Variants in CAMTA1 observed in about 807,000 individuals in gnomAD.
CAMTA1 encodes the protein calmodulin binding transcription activator 1.
Under a neutral mutation model 170.9 loss-of-function variants are expected in CAMTA1, and 27 were observed. That is an observed-to-expected ratio of 0.16 (90% CI 0.12 to 0.22). CAMTA1 has a LOEUF of 0.22. CAMTA1 is among the 10% of genes least tolerant of loss of function. The pLI is 1.00. For missense variants in CAMTA1, 1,619 were observed against 2,217.2 expected (o/e 0.73, Z 5.42); for synonymous variants, 833 against 891.5 (o/e 0.93, Z 1.17).
chr1:7,249,237 G>C lies in CAMTA1; in HGVS notation c.303-254G>C, dbSNP rs545381607. ...CATCGTATATCCTGATTACTTTGTG[G>C]TTATTACTGAGGGGATGTTTTTTAA... is the stretch of plus-strand genomic sequence containing the variant. On this transcript the variant is annotated intron_variant, in intron 4 of 22. Transcript: ENST00000303635. This position sits in a 1 kb window ranked among gnomAD's most constrained non-coding sequence, Gnocchi z 4.4. Among the ~76,000 whole-genome samples, 3 of 152,218 alleles carry C rather than the reference G, an allele frequency of 2.0e-5. No individual in the cohort carries two copies. The East Asian group carries it at 5.8e-4, about 29-fold the overall frequency.
rs2095685591 is a variant in CAMTA1 at position 7,633,388 on chromosome 1, C to A, written c.511-7012C>A. ...TCAGAGAGGAAGAGCTGCAGAGGGGCAGAGAGCTCGTGGACCCCCCCAGAT... is the reference window on the plus strand; with the variant it reads ...TCAGAGAGGAAGAGCTGCAGAGGGGAAGAGAGCTCGTGGACCCCCCCAGAT... On this transcript the variant is annotated intron_variant, in intron 6 of 22. Coordinates refer to ENST00000303635, the MANE Select transcript of CAMTA1 (RefSeq NM_015215.4). This position sits in a 1 kb window ranked among gnomAD's most constrained non-coding sequence, Gnocchi z 4.1. Among the ~76,000 whole-genome samples the A allele has an allele frequency of 6.6e-6, 1 of 152,108 alleles. No individual in the cohort carries two copies. Among genetic ancestry groups the A allele is most frequent in the South Asian group, 2.1e-4 (1 of 4,830 alleles).
intron 4 of CAMTA1, among the ~76,000 whole-genome samples, chr1:7,181,441 G>C (rs563359577): frequency 1.3e-5 from 2 of 152,202 alleles, no homozygotes; most frequent in South Asian, 4.1e-4. Context: ...AGAAGAACCA[G>C]AACTATCTCA....
At chr1:7,544,181 C>T (rs975344574) in intron 6 of CAMTA1, among the ~76,000 whole-genome samples, 1 of 152,038 alleles carries the variant, frequency 6.6e-6, no homozygotes, top group Non-Finnish European at 1.5e-5. Context: ...TGGTGGGAAG[C>T]AAAAGGCACT....
chr1:7,675,155 A>G (rs1482812199), intron 10 of CAMTA1, among the ~76,000 whole-genome samples: 1 of 152,228 alleles, frequency 6.6e-6, no homozygotes, highest in Non-Finnish European at 1.5e-5. Context: ...AGAAGCATCC[A>G]GGCCAGGTAG....
chr1:7,091,399 A>C (rs1196381694), intron 4 of CAMTA1, 28 bp downstream of exon 4: 1 of 1,533,478 alleles, frequency 6.5e-7, no homozygotes, highest in Non-Finnish European at 9.0e-7. Context: ...GCAGTTTTTC[A>C]AATGTGTACC....
intron 3 of CAMTA1, among the ~76,000 whole-genome samples, chr1:7,048,099 G>A (rs1219347256): frequency 6.6e-6 from 1 of 152,158 alleles, no homozygotes; most frequent in Non-Finnish European, 1.5e-5. Context: ...GGCGAGGGGA[G>A]GGGGGTGGTC....
At chr1:7,742,165 A>C (rs1279724801) in intron 16 of CAMTA1, among the ~76,000 whole-genome samples, 1 of 151,928 alleles carries the variant, frequency 6.6e-6, no homozygotes, top group Non-Finnish European at 1.5e-5. Context: ...TCTAGAAGAT[A>C]TGACAGTTAT....
intron 21 of CAMTA1, among the ~76,000 whole-genome samples, chr1:7,753,558 T>C (rs1163795673): frequency 2.0e-5 from 3 of 152,258 alleles, no homozygotes; most frequent in Non-Finnish European, 4.4e-5. Flanking sequence ...CTTACTCCTA[T>C]ACCATATGAT....
intron 3 of CAMTA1, among the ~76,000 whole-genome samples, chr1:7,075,469 A>G (rs1032298221): frequency 6.6e-6 from 1 of 152,190 alleles, no homozygotes; most frequent in Non-Finnish European, 1.5e-5. Flanking sequence ...TGGTTACCAC[A>G]AACTGCAGAA....
At chr1:7,673,000 C>G (rs1213202855) in intron 10 of CAMTA1, among the ~76,000 whole-genome samples, 2 of 152,206 alleles carry the variant, frequency 1.3e-5, no homozygotes, top group African/African-American at 4.8e-5. Context: ...CAGCTCAGGG[C>G]TGTGTGCAGC....
chr1:7,705,182 G>A lies in CAMTA1; in HGVS notation c.2915-27266G>A, dbSNP rs1053821705. On this transcript the variant is annotated intron_variant, in intron 11 of 22. Coordinates refer to ENST00000303635, the MANE Select transcript of CAMTA1 (RefSeq NM_015215.4). ...GGGGATCCGGCGGGCCCGGTGTGAG[G>A]GGCGTGTTTCTGGGGCGAGAGTGGG... Among the ~76,000 whole-genome samples the A allele has an allele frequency of 2.6e-4, 39 of 151,572 alleles. No homozygotes were observed. In the Middle Eastern group the frequency reaches 0.014, roughly 53 times the overall value.
At chr1:7,557,953 G>A (rs547012163) in intron 6 of CAMTA1, among the ~76,000 whole-genome samples, 6 of 152,294 alleles carry the variant, frequency 3.9e-5, no homozygotes, top group South Asian at 2.1e-4. Flanking sequence ...CACCAGCCCC[G>A]TGAGCATCTT....
At chr1:7,604,533 G>A (rs533652631) in intron 6 of CAMTA1, among the ~76,000 whole-genome samples, 1 of 152,256 alleles carries the variant, frequency 6.6e-6, no homozygotes, top group East Asian at 1.9e-4. Flanking sequence ...AGCTCCATCA[G>A]GTCCTTTAAG....
chr1:6,928,169 GA>G (rs1393700948), intron 3 of CAMTA1, among the ~76,000 whole-genome samples: 1 of 152,212 alleles, frequency 6.6e-6, no homozygotes, highest in African/African-American at 2.4e-5. Flanking sequence ...TGTGGATTCA[GA>G]AAACCCTCCC....
chr1:7,491,787 G>A (rs1192082871), intron 6 of CAMTA1, among the ~76,000 whole-genome samples: 1 of 152,226 alleles, frequency 6.6e-6, no homozygotes, highest in East Asian at 1.9e-4. Flanking sequence ...ACCATTTCCT[G>A]TCGCGAAGCC....
At chr1:7,117,161 G>A (rs983677121) in intron 4 of CAMTA1, among the ~76,000 whole-genome samples, 5 of 151,218 alleles carry the variant, frequency 3.3e-5, no homozygotes, top group African/African-American at 1.2e-4. Flanking sequence ...AGTACAGATG[G>A]GGTTTCGCCA....
chr1:7,287,174 C>T (rs1335550311), intron 5 of CAMTA1, among the ~76,000 whole-genome samples: 1 of 152,162 alleles, frequency 6.6e-6, no homozygotes, highest in East Asian at 1.9e-4. Flanking sequence ...GAGAGAGGTG[C>T]TACCGAGAGG....
chr1:6,877,928 TACATAGGTCCTTGC>T (rs2149041212), intron 3 of CAMTA1, among the ~76,000 whole-genome samples: 1 of 152,342 alleles, frequency 6.6e-6, no homozygotes, highest in African/African-American at 2.4e-5. Context: ...CATCTGACCA[TACATAGGTCCTTGC>T]ACATAGTAGA....
chr1:7,731,734 G>A (rs563994418), intron 11 of CAMTA1, among the ~76,000 whole-genome samples: 48 of 152,136 alleles, frequency 3.2e-4, no homozygotes, highest in African/African-American at 1.1e-3. Flanking sequence ...AAAATTAGCT[G>A]GGCATGGTGG....
Sources: gnomAD v4.1 joint callset for allele counts (sites outside exome capture counted in the v4.1 genomes callset) on GRCh38, gnomAD v4.1.1 for gene constraint, Gnocchi (gnomAD v3.1) non-coding constraint, MANE v1.5 for transcripts, NCBI Gene and HGNC (gene_info 2026-07-23, HGNC 2026-07-21) for gene names.